The following SAMMSON variants were observed in gnomAD, a reference collection of about 807,000 sequenced individuals.
SAMMSON encodes the protein survival associated mitochondrial melanoma specific oncogenic non-coding RNA.
At chr3:70,137,146 G>A (rs1367195631) in intron 4 of SAMMSON, among the ~76,000 whole-genome samples, 1 of 151,976 alleles carries the variant, frequency 6.6e-6, no homozygotes, top group African/African-American at 2.4e-5. Flanking sequence ...ATAGTCCTTT[G>A]GTCATATAGA....
chr3:70,403,394 C>G (rs1380539641), intron 2 of SAMMSON, among the ~76,000 whole-genome samples: 1 of 152,110 alleles, frequency 6.6e-6, no homozygotes, highest in African/African-American at 2.4e-5. Context: ...GACAGGTGTA[C>G]AAGAGATGGA....
chr3:70,182,157 GT>G (rs962205104), intron 4 of SAMMSON, among the ~76,000 whole-genome samples: 7 of 151,834 alleles, frequency 4.6e-5, no homozygotes, highest in African/African-American at 1.2e-4. Context: ...TGCTAAGGAG[GT>G]TTTTTTTAAT....
chr3:70,082,596 A>G (rs1398069530), intron 4 of SAMMSON, among the ~76,000 whole-genome samples: 4 of 152,166 alleles, frequency 2.6e-5, no homozygotes, highest in Admixed American at 2.6e-4. Flanking sequence ...TTACTTGCCA[A>G]TACTTAGAGG....
At chr3:70,329,749 A>T (rs909219240) in intron 7 of SAMMSON, among the ~76,000 whole-genome samples, 1 of 151,976 alleles carries the variant, frequency 6.6e-6, no homozygotes, top group African/African-American at 2.4e-5. Flanking sequence ...ATTTTCCTTT[A>T]AAAAAATTTT....
chr3:70,393,013 C>T (rs534368124), downstream of SAMMSON, among the ~76,000 whole-genome samples: 1 of 152,214 alleles, frequency 6.6e-6, no homozygotes, highest in East Asian at 1.9e-4. Context: ...TCAGAAAAAG[C>T]AATTCCTATC....
intron 4 of SAMMSON, among the ~76,000 whole-genome samples, chr3:70,159,796 A>G (rs1343177743): frequency 6.6e-6 from 1 of 151,934 alleles, no homozygotes; most frequent in African/African-American, 2.4e-5. Context: ...TGACCTTGTG[A>G]TCTTCCTGCC....
intron 9 of SAMMSON, among the ~76,000 whole-genome samples, chr3:70,361,254 C>T (rs893624476): frequency 3.9e-5 from 6 of 152,160 alleles, no homozygotes; most frequent in Non-Finnish European, 8.8e-5. Flanking sequence ...ACTCTGATCT[C>T]TTTAAGTACT....
At chr3:70,285,700 C>T (rs1702154391) in intron 6 of SAMMSON, among the ~76,000 whole-genome samples, 1 of 150,106 alleles carries the variant, frequency 6.7e-6, no homozygotes, top group East Asian at 2.0e-4. Flanking sequence ...CCTATTTCTC[C>T]ACATCCTCTC....
intron 6 of SAMMSON, among the ~76,000 whole-genome samples, chr3:70,257,372 AG>A: frequency 6.6e-6 from 1 of 152,198 alleles, no homozygotes; most frequent in East Asian, 1.9e-4. Context: ...TAGGAATGTC[AG>A]TAGCCATCAT....
intron 3 of SAMMSON, chr3:70,030,202 GT>G: frequency 6.6e-6 from 1 of 152,068 alleles, no homozygotes; most frequent in East Asian, 1.9e-4. Flanking sequence ...CAAATCAAAT[GT>G]TTATAAAATT....
At chr3:70,363,878 T>C (rs560792538) in intron 9 of SAMMSON, among the ~76,000 whole-genome samples, 66 of 151,796 alleles carry the variant, frequency 4.3e-4, no homozygotes, top group Non-Finnish European at 8.7e-4. Context: ...TTTCCACACA[T>C]GTATTGATAT....
intron 4 of SAMMSON, among the ~76,000 whole-genome samples, chr3:70,089,971 A>G (rs1310151239): frequency 6.6e-6 from 1 of 152,030 alleles, no homozygotes; most frequent in Non-Finnish European, 1.5e-5. Context: ...GTGATTTCCT[A>G]TTATAGGAAG....
intron 3 of SAMMSON, among the ~76,000 whole-genome samples, chr3:70,064,132 C>G (rs530569227): frequency 6.6e-6 from 1 of 152,188 alleles, no homozygotes; most frequent in African/African-American, 2.4e-5. Context: ...ACATGGCTTT[C>G]CACAAATATC....
chr3:70,382,036 A>C (rs564969371), intron 9 of SAMMSON, among the ~76,000 whole-genome samples: 5 of 152,128 alleles, frequency 3.3e-5, no homozygotes, highest in African/African-American at 1.2e-4. Context: ...CTTTTTGGGA[A>C]TACATAGTGA....
At chr3:70,360,265 T>C (rs1373656377) in intron 9 of SAMMSON, among the ~76,000 whole-genome samples, 1 of 152,154 alleles carries the variant, frequency 6.6e-6, no homozygotes, top group Non-Finnish European at 1.5e-5. Context: ...AAAATTAAAC[T>C]AGTAAAGTGC....
rs1015711377 is a variant in SAMMSON at position 70,136,755 on chromosome 3, A to G, written n.507+65190A>G. Among the ~76,000 whole-genome samples, 15 of 152,210 alleles carry G rather than the reference A, an allele frequency of 9.9e-5. No individual in the cohort carries two copies. The South Asian group carries it at 1.4e-3, about 15-fold the overall frequency. ...ATACTGTATTTTATCAAGAGCTCAGATAAGGTTTAACTATACTTACTAATG... is the reference window on the plus strand; with the variant it reads ...ATACTGTATTTTATCAAGAGCTCAGGTAAGGTTTAACTATACTTACTAATG... On this transcript the variant is annotated intron_variant and non_coding_transcript_variant, in intron 4 of 9. Coordinates refer to ENST00000642114, the Ensembl canonical transcript of SAMMSON.
At chr3:70,025,540 G>T (rs2107582078) in intron 3 of SAMMSON, among the ~76,000 whole-genome samples, 1 of 152,302 alleles carries the variant, frequency 6.6e-6, no homozygotes, top group Non-Finnish European at 1.5e-5. Flanking sequence ...ACCGTGCCTA[G>T]CCTGTTTTAT....
At chr3:70,045,142 TA>T in intron 3 of SAMMSON, among the ~76,000 whole-genome samples, 1 of 130,838 alleles carries the variant, frequency 7.6e-6, no homozygotes, top group Non-Finnish European at 1.6e-5. Context: ...TATTATAATT[TA>T]TATATATTAA....
rs369851514 is a variant in SAMMSON at position 70,156,856 on chromosome 3, C to T, written n.507+85291C>T. ...TGCTAATAAGAAAGATTAATTGTAT[C>T]AACTGTAGTCCATGGCTTCATTCAC... On this transcript the variant is annotated intron_variant and non_coding_transcript_variant, in intron 4 of 9. Coordinates refer to ENST00000642114, the Ensembl canonical transcript of SAMMSON. 2.6e-5 allele frequency among the ~76,000 whole-genome samples: 4 copies of T among 152,168 alleles called. No homozygotes were observed. In the East Asian group the frequency reaches 7.8e-4, roughly 30 times the overall value.
Sources: allele counts gnomAD v4.1 joint callset (sites outside exome capture counted in the v4.1 genomes callset), GRCh38; gene constraint gnomAD v4.1.1; transcripts MANE v1.5; gene names NCBI Gene and HGNC (gene_info 2026-07-23, HGNC 2026-07-21).